CARMIL3: variants seen among roughly 807,000 people sequenced by gnomAD.
CARMIL3 encodes the protein capping protein regulator and myosin 1 linker 3, also known as capping protein, Arp2/3 and myosin-I linker protein 3.
A neutral mutation model predicts 180.8 loss-of-function variants in CARMIL3; 88 were observed. That is an observed-to-expected ratio of 0.49 (90% CI 0.41 to 0.58). The LOEUF is 0.58. CARMIL3 is among the 20% of genes least tolerant of loss of function. The probability of loss-of-function intolerance (pLI) is 0.00; values close to 1 mark genes in which losing one functional copy is unlikely to be tolerated. For synonymous variants in CARMIL3, 696 were observed against 714.5 expected (o/e 0.97, Z 0.41); for missense variants, 1,548 against 1,787.0 (o/e 0.87, Z 2.41).
intron 36 of CARMIL3, 122 bp downstream of exon 36, chr14:24,066,778 C>A: frequency 1.0e-6 from 1 of 975,328 alleles, no homozygotes; most frequent in Non-Finnish European, 1.5e-6. Flanking sequence ...GAAGTCAACA[C>A]AGTGAAAATG....
rs369723294 is a variant in CARMIL3, at chr14:24,060,638, G to A, written c.2072G>A (p.Arg691Gln). 4.2e-5 allele frequency: 67 copies of A among 1,613,882 alleles called. No homozygotes were observed. In the African/African-American group the frequency reaches 6.7e-4, roughly 16 times the overall value. The change falls in exon 25 of 40, where the codon CGG becomes CAG. Residue 691 changes from arginine (R) to glutamine (Q), a missense_variant. By Grantham distance (43) the Arg-to-Gln change is conservative. Transcript: ENST00000342740. ...VTSSAEQMLQ[R>Q]LCGRVQEEVR... is the part of the protein sequence containing the mutation. Reference sequence around the variant, plus strand: ...GCCACTGTGCTCCAGATGCTGCAGCGGCTGTGTGGACGAGTGCAGGAGGAG... The same window carrying A: ...GCCACTGTGCTCCAGATGCTGCAGCAGCTGTGTGGACGAGTGCAGGAGGAG...
chr14:24,054,937 C>A lies in CARMIL3; in HGVS notation c.460+129C>A. On this transcript the variant is annotated intron_variant, in intron 6 of 39. Transcript: ENST00000342740. This position sits in a 1 kb window ranked among gnomAD's most constrained non-coding sequence, Gnocchi z 5.1. ...CCTGAAGGACTCCCAGCTCCCAGAC[C>A]TCAGGAAGTTCATGGCATAGCAAGA... 4.3e-6 allele frequency: 6 copies of A among 1,381,164 alleles called. No homozygotes were observed. Among genetic ancestry groups the A allele is most frequent in the Non-Finnish European group, 6.1e-6 (6 of 986,456 alleles). 85.6% of individuals were successfully genotyped at this position (1,381,164 alleles called of 1,614,324 possible). A position where few individuals can be genotyped will look rare whatever the true frequency, so the allele number is the denominator to read the frequency against.
At chr14:24,057,782 C>A in intron 14 of CARMIL3, 21 bp from the exon 15 acceptor site, 2 of 1,603,864 alleles carry the variant, frequency 1.2e-6, no homozygotes, top group South Asian at 2.2e-5. Flanking sequence ...CCCCTGAGAC[C>A]CACCATATCT....
rs748127351 is a variant in CARMIL3, at chr14:24,065,765, G to A, written c.3525+15G>A. 1.7e-5 allele frequency: 28 copies of A among 1,613,068 alleles called. No individual in the cohort carries two copies. Among genetic ancestry groups the A allele is most frequent in the African/African-American group, 1.1e-4 (8 of 74,864 alleles). On this transcript the variant is annotated intron_variant, in intron 34 of 39. Coordinates refer to ENST00000342740, the MANE Select transcript of CARMIL3 (RefSeq NM_138360.4). ...GGAAACGAGAGGTGAGTGGAGCCTGGGACAACAAACTGTGGGTCCTGAGGG... is the reference window on the plus strand; with the variant it reads ...GGAAACGAGAGGTGAGTGGAGCCTGAGACAACAAACTGTGGGTCCTGAGGG...
rs773103919 is a variant in CARMIL3 at position 24,065,225 on chromosome 14, C to T, written c.3348C>T (p.Leu1116=). ...PCWSPEEESS[L]LPGFGGGRGP... ...GGAGCCCAGAGGAGGAGAGCAGCCT[C>T]CTCCCTGGATTTGGTGGGGGCCGGG... Residue 1116 remains leucine (L), a synonymous_variant, in exon 33 of 40, where the codon CTC becomes CTT. Transcript: ENST00000342740. 1 of 1,554,264 alleles carries T rather than the reference C, an allele frequency of 6.4e-7. No homozygotes were observed. Among genetic ancestry groups the T allele is most frequent in the South Asian group, 1.3e-5 (1 of 79,494 alleles).
At chr14:24,064,448 C>A in intron 32 of CARMIL3, 102 bp downstream of exon 32, 1 of 828,128 alleles carries the variant, frequency 1.2e-6, no homozygotes, top group Non-Finnish European at 2.0e-6. Flanking sequence ...ACAGCAGTGC[C>A]CAAAGCCAGT....
chr14:24,067,082 G>A (rs747398902), intron 36 of CARMIL3, among the ~76,000 whole-genome samples: 2 of 152,316 alleles, frequency 1.3e-5, no homozygotes, highest in South Asian at 2.1e-4. Flanking sequence ...TCCAGAAGTC[G>A]TTTATCAACT....
chr14:24,065,786 G>A (rs1460555659), intron 34 of CARMIL3, 36 bp downstream of exon 34: 5 of 1,609,794 alleles, frequency 3.1e-6, no homozygotes, highest in Middle Eastern at 1.7e-4. Flanking sequence ...TGTGGGTCCT[G>A]AGGGTATCTG....
chr14:24,054,736 G>C lies in CARMIL3; in HGVS notation c.388G>C (p.Asp130His), dbSNP rs760349660. 1.9e-6 allele frequency: 3 copies of C among 1,614,088 alleles called. No homozygotes were observed. In the South Asian group the frequency reaches 3.3e-5, roughly 18 times the overall value. Residue 130 changes from aspartate to histidine, a missense_variant, in exon 6 of 40, where the codon GAC (aspartate) becomes CAC (histidine). By Grantham distance (81) the Asp-to-His change is moderately conservative. Transcript: ENST00000342740. This position sits in a 1 kb window ranked among gnomAD's most constrained non-coding sequence, Gnocchi z 5.1. ...PGCLIRRGNA[D>H]TPEGPRDTSP... ...GTGTTTGATCCGGCGTGGAAACGCA[G>C]ACACCCCAGAGGGGCCCCGAGATAC... is the stretch of plus-strand genomic sequence containing the variant.
chr14:24,053,408 C>G (rs1447997367), intron 1 of CARMIL3, among the ~76,000 whole-genome samples: 1 of 152,200 alleles, frequency 6.6e-6, no homozygotes, highest in Non-Finnish European at 1.5e-5. Flanking sequence ...TTCACACCCT[C>G]AGAAGTGTGA....
At position 24,052,280 on chromosome 14, in the gene CARMIL3, G is replaced by A. The variant is rs1190197998; in HGVS notation, c.40+87G>A. 2.2e-6 allele frequency: 3 copies of A among 1,361,068 alleles called. No homozygotes were observed. In the African/African-American group the frequency reaches 4.5e-5, roughly 20 times the overall value. 84.3% of individuals were successfully genotyped at this position (1,361,068 alleles called of 1,614,324 possible). On this transcript the variant is annotated intron_variant, in intron 1 of 39. Coordinates refer to ENST00000342740, the MANE Select transcript of CARMIL3 (RefSeq NM_138360.4). The stretch of plus-strand genomic sequence containing the variant: ...CCTCCCCGTGGTGCATCCCAGCCCG[G>A]TGTCTCACACCCCTCACCCCATGCA...
rs772514924 is a variant in CARMIL3 at position 24,062,753 on chromosome 14, G to C, written c.2613G>C (p.Gly871=). Residue 871 remains glycine, a synonymous_variant, in exon 29 of 40, where the codon GGG becomes GGC. Transcript: ENST00000342740. ...TQLRTLSDPP[G]CPGQGQDLSS... The stretch of plus-strand genomic sequence containing the variant: ...TAAGGACGCTGTCAGATCCACCAGG[G>C]TGCCCAGGCCAAGGGCAGGATCTGT... 6 of 1,613,484 alleles carry C rather than the reference G, an allele frequency of 3.7e-6. No homozygotes were observed. The Admixed American group carries it at 1.0e-4, about 27-fold the overall frequency.
chr14:24,068,042 C>T (rs536712972), intron 36 of CARMIL3, among the ~76,000 whole-genome samples: 8 of 152,258 alleles, frequency 5.3e-5, no homozygotes, highest in Non-Finnish European at 8.8e-5. Flanking sequence ...CCAGAGTCCC[C>T]TCCAGAGGTG....
rs377421126 is a variant in CARMIL3, at chr14:24,062,857, C to A, written c.2706+11C>A. 3.1e-6 allele frequency: 5 copies of A among 1,596,256 alleles called. No homozygotes were observed. The highest frequency in any genetic ancestry group is 1.7e-5 in the Admixed American group (1 of 57,730). ...CTTGGGACCAACATTGTGAGCCCCC[C>A]GCTCCCTGCTCCTCCTTAATAACCT... On this transcript the variant is annotated intron_variant, in intron 29 of 39. Coordinates refer to ENST00000342740, the MANE Select transcript of CARMIL3 (RefSeq NM_138360.4).
At position 24,061,367 on chromosome 14, in the gene CARMIL3, C is replaced by A; in HGVS notation, c.2305-130C>A. The stretch of plus-strand genomic sequence containing the variant: ...TTAGTGTCCAAGGCTCTGCCACTAA[C>A]AGTTTTGTGACTTAGGCAGGTCCCT... On this transcript the variant is annotated intron_variant, in intron 26 of 39. Transcript: ENST00000342740. The surrounding 1 kb of genome is among the most constrained non-coding windows in gnomAD (Gnocchi z 4.1). The A allele has an allele frequency of 1.1e-6, 1 of 942,356 alleles. No individual in the cohort carries two copies. The highest frequency in any genetic ancestry group is 2.9e-5 in the Admixed American group (1 of 35,056). The allele number at this position is 942,356 out of a possible 1,614,324, so 58.4% of individuals were successfully genotyped here. A position where few individuals can be genotyped will look rare whatever the true frequency, so the allele number is the denominator to read the frequency against.
Position 24,059,131 on chromosome 14 carries a change from G to A in CARMIL3, c.1572-4G>A, listed in dbSNP as rs1443462625. On this transcript the variant is annotated splice_region_variant and splice_polypyrimidine_tract_variant and intron_variant, in intron 19 of 39. Transcript: ENST00000342740. This position sits in a 1 kb window ranked among gnomAD's most constrained non-coding sequence, Gnocchi z 6.3. ...CTCCTACTCTGAGCCCCGCCTCCCTGCAGGACCCTGGAGGAGATCCTCCAC... is the reference window on the plus strand; with the variant it reads ...CTCCTACTCTGAGCCCCGCCTCCCTACAGGACCCTGGAGGAGATCCTCCAC... 1.2e-6 allele frequency: 2 copies of A among 1,600,044 alleles called. No homozygotes were observed. The highest frequency in any genetic ancestry group is 1.7e-5 in the Admixed American group (1 of 58,034).
In CARMIL3 at chr14:24,058,065, G is replaced by A; in HGVS notation, c.1322+1G>A. ...CAAAGCTGCCCCTGGAGGCCCTCAG[G>A]TCGGGTGGGTGCAGGGTTGGGGGCG... is the stretch of plus-strand genomic sequence containing the variant. On this transcript the variant is annotated splice_donor_variant, in intron 16 of 39. Coordinates refer to ENST00000342740, the MANE Select transcript of CARMIL3 (RefSeq NM_138360.4). LOFTEE classifies it high-confidence loss of function. The surrounding 1 kb of genome is among the most constrained non-coding windows in gnomAD (Gnocchi z 6.4). 1 of 1,613,866 alleles carries A rather than the reference G, an allele frequency of 6.2e-7. No homozygotes were observed. The highest frequency in any genetic ancestry group is 8.5e-7 in the Non-Finnish European group (1 of 1,180,028).
At chr14:24,063,251 A>T in intron 30 of CARMIL3, 68 bp downstream of exon 30, 3 of 1,593,174 alleles carry the variant, frequency 1.9e-6, no homozygotes, top group Non-Finnish European at 1.7e-6. Flanking sequence ...CTTTCCCTTG[A>T]TTTTTTCTCT....
At position 24,059,773 on chromosome 14, in the gene CARMIL3, C is replaced by T. The variant is rs757272826; in HGVS notation, c.1868+41C>T. On this transcript the variant is annotated intron_variant, in intron 22 of 39. Coordinates refer to ENST00000342740, the MANE Select transcript of CARMIL3 (RefSeq NM_138360.4). This position sits in a 1 kb window ranked among gnomAD's most constrained non-coding sequence, Gnocchi z 6.3. ...TCCTGCCCTGATCCAAGTCCCCAGCCTCCCTGTGCCTGGATCAGGCCTGAA... is the reference window on the plus strand; with the variant it reads ...TCCTGCCCTGATCCAAGTCCCCAGCTTCCCTGTGCCTGGATCAGGCCTGAA... 8 of 1,602,644 alleles carry T rather than the reference C, an allele frequency of 5.0e-6. No individual in the cohort carries two copies. Among genetic ancestry groups the T allele is most frequent in the African/African-American group, 2.7e-5 (2 of 74,690 alleles).
Sources: gnomAD v4.1 joint callset for allele counts (sites outside exome capture counted in the v4.1 genomes callset) on GRCh38, gnomAD v4.1.1 for gene constraint, Gnocchi (gnomAD v3.1) non-coding constraint, MANE v1.5 for transcripts, NCBI Gene and HGNC (gene_info 2026-07-23, HGNC 2026-07-21) for gene names.